Variants in SDK1 observed in about 807,000 individuals in gnomAD.
SDK1 encodes sidekick cell adhesion molecule 1.
A neutral mutation model predicts 245.5 loss-of-function variants in SDK1; 157 were observed. That is an observed-to-expected ratio of 0.64 (90% CI 0.56 to 0.73). The LOEUF is 0.73. Among genes scored for constraint, SDK1 ranks in the 30% least tolerant of loss-of-function variants. SDK1 has a pLI of 0.00. For synonymous variants in SDK1, 1,647 were observed against 1,278.5 expected, an observed-to-expected ratio of 1.29 and a Z score of -6.15; for missense variants, 3,583 against 3,002.3, an observed-to-expected ratio of 1.19 and a Z score of -4.52.
At chr7:3,441,086 G>C (rs1280829600) in intron 1 of SDK1, among the ~76,000 whole-genome samples, 1 of 152,152 alleles carries the variant, frequency 6.6e-6, no homozygotes, top group East Asian at 1.9e-4. Context: ...ATTGTACCAT[G>C]TCACATCATT....
chr7:3,529,889 G>C (rs574062159), intron 1 of SDK1, among the ~76,000 whole-genome samples: 39 of 152,270 alleles, frequency 2.6e-4, no homozygotes, highest in African/African-American at 8.7e-4. Context: ...CGACATCCCA[G>C]CCTGAGTCTG....
At chr7:3,836,072 A>G (rs1292935425) in intron 5 of SDK1, among the ~76,000 whole-genome samples, 1 of 152,224 alleles carries the variant, frequency 6.6e-6, no homozygotes, top group Non-Finnish European at 1.5e-5. Context: ...TTATAAATAG[A>G]ACAAATCAGT....
chr7:3,496,241 A>G (rs1383295764), intron 1 of SDK1, among the ~76,000 whole-genome samples: 3 of 152,068 alleles, frequency 2.0e-5, no homozygotes, highest in Non-Finnish European at 4.4e-5. Context: ...ATAAGTTAGC[A>G]TATCTGAGGC....
At chr7:3,631,000 A>G (rs948206703) in intron 2 of SDK1, among the ~76,000 whole-genome samples, 35 of 152,120 alleles carry the variant, frequency 2.3e-4, no homozygotes, top group African/African-American at 7.0e-4. Context: ...CAGTGGTGCA[A>G]TGGTTCACTC....
At chr7:3,775,023 G>A (rs536573618) in intron 4 of SDK1, among the ~76,000 whole-genome samples, 9 of 152,150 alleles carry the variant, frequency 5.9e-5, no homozygotes, top group East Asian at 1.9e-4. Context: ...GACAGTGCTC[G>A]GCGCTGATCG....
At chr7:3,652,008 GGAA>G (rs1342935455) in intron 4 of SDK1, among the ~76,000 whole-genome samples, 2 of 152,118 alleles carry the variant, frequency 1.3e-5, no homozygotes, top group African/African-American at 2.4e-5. Flanking sequence ...ATGAGTTTGA[GGAA>G]GAAGGATACT....
chr7:4,237,007 A>C (rs112030732), intron 41 of SDK1, among the ~76,000 whole-genome samples: 18 of 151,992 alleles, frequency 1.2e-4, no homozygotes, highest in African/African-American at 4.3e-4. Flanking sequence ...CCTGGGCTCA[A>C]GTGATCCTCC....
intron 4 of SDK1, among the ~76,000 whole-genome samples, chr7:3,682,801 C>G (rs6462225): frequency 6.6e-6 from 1 of 151,502 alleles, no homozygotes; most frequent in Admixed American, 6.6e-5. Flanking sequence ...TGCAGTGGCG[C>G]AATCTCAGCT....
intron 5 of SDK1, among the ~76,000 whole-genome samples, chr7:3,850,601 C>A (rs1484095525): frequency 6.6e-6 from 1 of 152,116 alleles, no homozygotes; most frequent in Non-Finnish European, 1.5e-5. Context: ...AGACTTGGAA[C>A]CAACCCAAAT....
chr7:4,157,877 G>A (rs977172042), intron 30 of SDK1, among the ~76,000 whole-genome samples: 6 of 152,136 alleles, frequency 3.9e-5, no homozygotes, highest in Non-Finnish European at 8.8e-5. Context: ...GCCTGCAGCC[G>A]GCCAGGAAGT....
intron 7 of SDK1, chr7:3,957,913 G>A (rs918800185): frequency 1.1e-5 from 5 of 465,220 alleles, no homozygotes; most frequent in African/African-American, 8.0e-5. Flanking sequence ...GATTCTTTCT[G>A]CTTGAGTGGT....
chr7:4,097,449 A>G (rs1158323898), intron 22 of SDK1, among the ~76,000 whole-genome samples: 3 of 152,262 alleles, frequency 2.0e-5, no homozygotes, highest in African/African-American at 7.2e-5. Context: ...GGAAGGCGTC[A>G]TGCCAGGAAG....
chr7:3,518,383 C>T (rs778224404), intron 1 of SDK1, among the ~76,000 whole-genome samples: 7 of 151,412 alleles, frequency 4.6e-5, no homozygotes, highest in Non-Finnish European at 1.0e-4. Context: ...AAGGAAACAA[C>T]AGAATGAAAA....
At chr7:3,511,741 A>T (rs1165373352) in intron 1 of SDK1, among the ~76,000 whole-genome samples, 12 of 151,990 alleles carry the variant, frequency 7.9e-5, no homozygotes, top group Admixed American at 2.0e-4. Flanking sequence ...AAAAATAAGC[A>T]TACAAAATCA....
intron 1 of SDK1, among the ~76,000 whole-genome samples, chr7:3,592,672 T>C (rs1192163396): frequency 6.6e-6 from 1 of 152,186 alleles, no homozygotes; most frequent in Non-Finnish European, 1.5e-5. Context: ...CTTTGTATAA[T>C]GCACAGCAGG....
At chr7:3,634,572 G>C (rs1474335240) in intron 2 of SDK1, among the ~76,000 whole-genome samples, 2 of 152,174 alleles carry the variant, frequency 1.3e-5, no homozygotes, top group Admixed American at 1.3e-4. Context: ...CTATACTTTA[G>C]TGGCATATGG....
At chr7:4,046,358 GTCCTTGATATTCTA>G (rs1380048855) in intron 17 of SDK1, among the ~76,000 whole-genome samples, 1 of 151,972 alleles carries the variant, frequency 6.6e-6, no homozygotes, top group Non-Finnish European at 1.5e-5. Context: ...TATGGATTAT[GTCCTTGATATTCTA>G]TCTGAGAAAT....
At chr7:3,967,495 G>T (rs747433389) in intron 10 of SDK1, 61 bp downstream of exon 10, 12 of 992,516 alleles carry the variant, frequency 1.2e-5, no homozygotes, top group African/African-American at 9.6e-5. Flanking sequence ...TATCGGGCCA[G>T]TGCTTGCTTC....
At chr7:3,603,797 C>T (rs933991514) in intron 1 of SDK1, among the ~76,000 whole-genome samples, 6 of 152,142 alleles carry the variant, frequency 3.9e-5, no homozygotes, top group African/African-American at 1.4e-4. Context: ...TTTGCGCATT[C>T]AGTATGATAT....
Sources: allele counts gnomAD v4.1 joint callset (sites outside exome capture counted in the v4.1 genomes callset), GRCh38; gene constraint gnomAD v4.1.1; transcripts MANE v1.5; gene names NCBI Gene and HGNC (gene_info 2026-07-23, HGNC 2026-07-21).